Variants in DLG2 observed in about 807,000 individuals in gnomAD.
DLG2 encodes the protein discs large MAGUK scaffold protein 2.
A neutral mutation model predicts 132.5 loss-of-function variants in DLG2; 45 were observed. That is an observed-to-expected ratio of 0.34 (90% confidence interval 0.27 to 0.44). DLG2 has a LOEUF of 0.44. Ranked by LOEUF, DLG2 falls within the 20% of genes least tolerant of loss-of-function variation. DLG2 has a pLI of 1.00. For synonymous variants in DLG2, 424 were observed against 419.6 expected (o/e 1.01, Z -0.13); for missense variants, 1,045 against 1,196.9 (o/e 0.87, Z 1.87).
At chr11:85,268,149 C>T (rs1199689963) in intron 4 of DLG2, among the ~76,000 whole-genome samples, 2 of 152,144 alleles carry the variant, frequency 1.3e-5, no homozygotes, top group Non-Finnish European at 2.9e-5. Context: ...TTTACTGACA[C>T]GTTCTTCATG....
At chr11:84,089,524 T>C (rs1371901888) in intron 10 of DLG2, among the ~76,000 whole-genome samples, 1 of 152,182 alleles carries the variant, frequency 6.6e-6, no homozygotes, top group African/African-American at 2.4e-5. Context: ...AAGGACAACG[T>C]TGTTGTTTAT....
chr11:85,114,349 A>G (rs984304029), intron 5 of DLG2, among the ~76,000 whole-genome samples: 4 of 151,966 alleles, frequency 2.6e-5, no homozygotes, highest in African/African-American at 7.2e-5. Context: ...TCTTAAGCCA[A>G]AAATCAAGGG....
intron 3 of DLG2, among the ~76,000 whole-genome samples, chr11:85,376,818 A>G (rs1265218286): frequency 6.6e-6 from 1 of 152,182 alleles, no homozygotes. Flanking sequence ...AGTGAGAGTG[A>G]TACCCCACTA....
At chr11:85,582,577 A>G (rs780422865) in intron 3 of DLG2, among the ~76,000 whole-genome samples, 66 of 143,512 alleles carry the variant, frequency 4.6e-4, no homozygotes, top group Non-Finnish European at 7.4e-4. Flanking sequence ...TAATCCCAGT[A>G]TTTTGGGAGG....
chr11:84,786,037 T>C (rs1281621151), intron 6 of DLG2, among the ~76,000 whole-genome samples: 1 of 152,182 alleles, frequency 6.6e-6, no homozygotes. Context: ...CTACAGATGT[T>C]CATATCTACT....
chr11:85,007,928 T>C (rs374146231), intron 6 of DLG2, among the ~76,000 whole-genome samples: 3 of 152,174 alleles, frequency 2.0e-5, no homozygotes, highest in East Asian at 1.9e-4. Flanking sequence ...GTCAGTTGTG[T>C]TTCAAAATTC....
rs182851676 is a variant in DLG2, at chr11:85,578,755, A to C, written c.40+19902T>G. Among the ~76,000 whole-genome samples, 428 of 152,328 alleles carry C rather than the reference A, an allele frequency of 2.8e-3. 1 individual carries two copies. Among genetic ancestry groups the C allele is most frequent in the Non-Finnish European group, 3.2e-3 (216 of 68,030 alleles). On this transcript the variant is annotated intron_variant, in intron 3 of 27. Transcript: ENST00000376104. ...AACAGATACTAGAAAGGTTGCAGAG[A>C]AAAACAAAAGCTTATACACTATTAG... is the stretch of plus-strand genomic sequence containing the variant.
rs186140334 is a variant in DLG2, at chr11:85,468,353, G to T, written c.40+130304C>A. Among the ~76,000 whole-genome samples, 201 of 152,166 alleles carry T rather than the reference G, an allele frequency of 1.3e-3. 1 individual carries two copies. Among genetic ancestry groups the T allele is most frequent in the African/African-American group, 4.6e-3 (190 of 41,514 alleles). ...CTTAGTTATTTCTTGCCTTCTGCTA[G>T]CTTTTGAATGTGTTTGCTCTTGCTT... On this transcript the variant is annotated intron_variant, in intron 3 of 27. Coordinates refer to ENST00000376104, the MANE Select transcript of DLG2 (RefSeq NM_001142699.3).
chr11:85,039,941 C>G (rs578182430), intron 6 of DLG2, among the ~76,000 whole-genome samples: 58 of 151,950 alleles, frequency 3.8e-4, no homozygotes, highest in African/African-American at 1.4e-3. Context: ...AAGAACTATA[C>G]CTTTGTGAAT....
intron 6 of DLG2, among the ~76,000 whole-genome samples, chr11:84,732,403 TC>T (rs2063265994): frequency 6.6e-6 from 1 of 152,028 alleles, no homozygotes; most frequent in South Asian, 2.1e-4. Flanking sequence ...GAATTCTAGA[TC>T]CTTCACATCT....
intron 7 of DLG2, among the ~76,000 whole-genome samples, chr11:84,338,391 T>A (rs1339258589): frequency 1.3e-5 from 2 of 152,210 alleles, no homozygotes; most frequent in African/African-American, 4.8e-5. Flanking sequence ...TTTTATAACT[T>A]ATTTTTTTTT....
intron 7 of DLG2, among the ~76,000 whole-genome samples, chr11:84,438,054 G>A (rs1325593937): frequency 6.6e-6 from 1 of 152,138 alleles, no homozygotes; most frequent in East Asian, 1.9e-4. Context: ...GCCCCTGCAG[G>A]CACAAACAGG....
chr11:85,403,321 T>A lies in DLG2; in HGVS notation c.41-117956A>T, dbSNP rs1377639680. On this transcript the variant is annotated intron_variant, in intron 3 of 27. Coordinates refer to ENST00000376104, the MANE Select transcript of DLG2 (RefSeq NM_001142699.3). ...ACGCATGCACACAGGGTCGGGTACA[T>A]CAAACATTGGGGCCTGTCAGTTGGT... Among the ~76,000 whole-genome samples, 6 of 151,934 alleles carry A rather than the reference T, an allele frequency of 3.9e-5. No homozygotes were observed. In the East Asian group the frequency reaches 9.7e-4, roughly 25 times the overall value.
intron 21 of DLG2, among the ~76,000 whole-genome samples, chr11:83,489,702 ACC>A (rs149747954): frequency 0.048 from 7,324 of 152,002 alleles, 600 homozygotes; most frequent in African/African-American, 0.17. Context: ...GTACTTATGT[ACC>A]CCCTGAGTAT....
intron 11 of DLG2, among the ~76,000 whole-genome samples, chr11:84,002,055 A>G (rs1339050773): frequency 6.6e-6 from 1 of 152,186 alleles, no homozygotes; most frequent in Non-Finnish European, 1.5e-5. Flanking sequence ...GAAATAGAGA[A>G]ATAATAAAGA....
intron 18 of DLG2, among the ~76,000 whole-genome samples, chr11:83,667,850 C>T (rs113640861): frequency 1.6e-4 from 24 of 151,374 alleles, no homozygotes; most frequent in African/African-American, 3.6e-4. Flanking sequence ...TGGTGGCAGG[C>T]GCCTGTAGTC....
intron 10 of DLG2, among the ~76,000 whole-genome samples, chr11:84,089,420 T>C (rs1041849526): frequency 2.0e-5 from 3 of 152,218 alleles, no homozygotes; most frequent in Non-Finnish European, 2.9e-5. Context: ...TCCCCTTCTG[T>C]CTTTCTCATC....
At chr11:84,611,556 C>T (rs1048814045) in intron 6 of DLG2, among the ~76,000 whole-genome samples, 2 of 152,124 alleles carry the variant, frequency 1.3e-5, no homozygotes, top group African/African-American at 2.4e-5. Context: ...CTAATTGTCA[C>T]CCAAGTGCCT....
intron 3 of DLG2, among the ~76,000 whole-genome samples, chr11:85,594,880 A>G (rs1434808604): frequency 6.6e-6 from 1 of 152,020 alleles, no homozygotes; most frequent in Non-Finnish European, 1.5e-5. Context: ...AGTCTGACCA[A>G]CATGGTTAAA....
Sources: allele counts gnomAD v4.1 joint callset (sites outside exome capture counted in the v4.1 genomes callset), GRCh38; gene constraint gnomAD v4.1.1; transcripts MANE v1.5; gene names NCBI Gene and HGNC (gene_info 2026-07-23, HGNC 2026-07-21).